The following CCNT2 variants were observed in gnomAD, a reference collection of about 807,000 sequenced individuals.
The protein encoded by CCNT2 is cyclin T2, also known as cyclin-T2.
Under a neutral mutation model 70.0 loss-of-function variants are expected in CCNT2, and 18 were observed. The ratio of observed to expected loss-of-function variants is 0.26; its 90% CI spans 0.18 to 0.38. The LOEUF (loss-of-function observed/expected upper bound fraction) is 0.38, where lower values mean the gene tolerates loss of function less well. Among genes scored for constraint, CCNT2 ranks in the 10% least tolerant of loss-of-function variants. The pLI, the probability that CCNT2 is intolerant of heterozygous loss-of-function variation, is 1.00. For synonymous variants in CCNT2, 334 were observed against 313.3 expected (o/e 1.07, Z -0.70); for missense variants, 734 against 890.2 (o/e 0.82, Z 2.23).
At chr2:134,919,035 G>C (rs756066337) in intron 1 of CCNT2, 23 bp downstream of exon 1, 1 of 1,576,356 alleles carries the variant, frequency 6.3e-7, no homozygotes, top group East Asian at 2.3e-5. Flanking sequence ...GTTCGCCGCC[G>C]CTCACGCCCT....
intron 5 of CCNT2, 69 bp downstream of exon 5, chr2:134,942,743 T>A: frequency 6.9e-7 from 1 of 1,448,878 alleles, no homozygotes; most frequent in Non-Finnish European, 9.3e-7. Context: ...ATTTGGGTGC[T>A]ATTTTGTTTT....
At chr2:134,951,477 C>T (rs116744789) in intron 7 of CCNT2, among the ~76,000 whole-genome samples, 154 of 152,062 alleles carry the variant, frequency 1.0e-3, no homozygotes, top group African/African-American at 3.6e-3. Context: ...TAGAAATTTA[C>T]AATGAAGATA....
At chr2:134,924,360 A>C (rs1680125130) in intron 2 of CCNT2, among the ~76,000 whole-genome samples, 1 of 152,210 alleles carries the variant, frequency 6.6e-6, no homozygotes, top group Admixed American at 6.5e-5. Context: ...ATCACCAACC[A>C]AGTCAAGAAA....
intron 2 of CCNT2, among the ~76,000 whole-genome samples, chr2:134,928,765 G>T (rs1273234679): frequency 6.6e-6 from 1 of 152,088 alleles, no homozygotes; most frequent in African/African-American, 2.4e-5. Context: ...TTCTTCTGTG[G>T]CCAAAAATCG....
At chr2:134,925,859 CTTTTT>C (rs3041372) in intron 2 of CCNT2, among the ~76,000 whole-genome samples, 20 of 85,274 alleles carry the variant, frequency 2.3e-4, no homozygotes, top group African/African-American at 6.6e-4. Flanking sequence ...GGATAGCTGC[CTTTTT>C]TTTTTTTTTT....
At chr2:134,924,861 C>G (rs1368682418) in intron 2 of CCNT2, among the ~76,000 whole-genome samples, 1 of 152,192 alleles carries the variant, frequency 6.6e-6, no homozygotes, top group East Asian at 1.9e-4. Context: ...TGAAGTCTCT[C>G]AGTATGCATG....
chr2:134,944,446 A>C, intron 5 of CCNT2: 1 of 966,410 alleles, frequency 1.0e-6, no homozygotes, highest in South Asian at 4.8e-5. Flanking sequence ...TCAACTTTAA[A>C]TTCTTTATCA....
rs1681813917 is a variant in CCNT2 at position 134,944,612 on chromosome 2, G to T, written c.494-1489G>T. The T allele has an allele frequency of 7.1e-6, 7 of 979,614 alleles. No homozygotes were observed. In the South Asian group the frequency reaches 2.8e-4, roughly 40 times the overall value. 60.7% of individuals were successfully genotyped at this position (979,614 alleles called of 1,614,324 possible). On this transcript the variant is annotated intron_variant, in intron 5 of 8. Transcript: ENST00000264157. ...AACAAATATTTAGACCAGATTATTTGTTGTTGTTAATGTTAAAATGTGACT... is the reference window on the plus strand; with the variant it reads ...AACAAATATTTAGACCAGATTATTTTTTGTTGTTAATGTTAAAATGTGACT...
chr2:134,924,013 A>G (rs905542320), intron 2 of CCNT2, among the ~76,000 whole-genome samples: 29 of 152,242 alleles, frequency 1.9e-4, no homozygotes, highest in African/African-American at 7.0e-4. Context: ...TCAACTATAC[A>G]TCAGTGTTAG....
chr2:134,953,872 G>T lies in CCNT2; in HGVS notation c.1417G>T (p.Ala473Ser), dbSNP rs758619807. ...QQHKQGQSQA[A>S]SSSSVTSPIK... The stretch of plus-strand genomic sequence containing the variant: ...GCACAAACAAGGGCAGTCACAGGCA[G>T]CCAGCAGCAGTTCTGTTACTTCTCC... The change falls in exon 9 of 9, where the codon GCC (alanine) becomes TCC (serine). Residue 473 changes from alanine (A) to serine (S), a missense_variant. Physicochemically the swap from Ala to Ser is moderately conservative, Grantham distance 99. Coordinates refer to ENST00000264157, the MANE Select transcript of CCNT2 (RefSeq NM_058241.3). 3.1e-6 allele frequency: 5 copies of T among 1,614,058 alleles called. No homozygotes were observed. The highest frequency in any genetic ancestry group is 4.2e-6 in the Non-Finnish European group (5 of 1,180,024).
intron 5 of CCNT2, chr2:134,945,304 T>C: frequency 2.0e-6 from 2 of 985,322 alleles, no homozygotes; most frequent in South Asian, 4.7e-5. Context: ...GAAAGATATG[T>C]CAGTGCTTGT....
intron 2 of CCNT2, among the ~76,000 whole-genome samples, chr2:134,933,769 C>G (rs1179677356): frequency 2.0e-5 from 3 of 152,080 alleles, no homozygotes; most frequent in African/African-American, 7.2e-5. Context: ...TTAACATGCA[C>G]AATTTTAAAA....
At chr2:134,931,911 G>A (rs1170113775) in intron 2 of CCNT2, among the ~76,000 whole-genome samples, 7 of 152,032 alleles carry the variant, frequency 4.6e-5, no homozygotes, top group Non-Finnish European at 8.8e-5. Flanking sequence ...TAGGCTGTTA[G>A]GAGCTGTGTC....
At chr2:134,939,535 G>A (rs1681412566) in intron 4 of CCNT2, among the ~76,000 whole-genome samples, 4 of 151,804 alleles carry the variant, frequency 2.6e-5, no homozygotes, top group Admixed American at 6.6e-5. Flanking sequence ...GTGCCATCTC[G>A]GCTCACTGCA....
intron 2 of CCNT2, among the ~76,000 whole-genome samples, chr2:134,927,137 G>T (rs562636009): frequency 2.6e-4 from 39 of 152,226 alleles, no homozygotes; most frequent in Non-Finnish European, 4.1e-4. Flanking sequence ...TGATATTTTT[G>T]ATTGATTTTC....
At chr2:134,928,180 T>G (rs1186526882) in intron 2 of CCNT2, among the ~76,000 whole-genome samples, 1 of 151,836 alleles carries the variant, frequency 6.6e-6, no homozygotes, top group Non-Finnish European at 1.5e-5. Context: ...GAGGCTAGTC[T>G]CGAACTCCTG....
rs531865188 is a variant in CCNT2 at position 134,929,808 on chromosome 2, G to A, written c.241-7033G>A. ...TGGGATTACAGGCATGCACCACCAT[G>A]CCTGGCTAATTTTTGTATTTTTAGT... On this transcript the variant is annotated intron_variant, in intron 2 of 8. Coordinates refer to ENST00000264157, the MANE Select transcript of CCNT2 (RefSeq NM_058241.3). 8.6e-5 allele frequency among the ~76,000 whole-genome samples: 13 copies of A among 151,496 alleles called. No individual in the cohort carries two copies. The East Asian group carries it at 2.6e-3, about 30-fold the overall frequency.
Position 134,958,997 on chromosome 2 carries a change from C to T in CCNT2, c.*4349C>T, listed in dbSNP as rs766638383. The T allele has an allele frequency of 3.3e-5, 5 of 152,010 alleles. No homozygotes were observed. Among genetic ancestry groups the T allele is most frequent in the East Asian group, 3.9e-4 (2 of 5,172 alleles). 9.4% of individuals were successfully genotyped at this position (152,010 alleles called of 1,614,324 possible). ...GTCTACTTTATTTTCAAGTTTGGGG[C>T]GGAAACTCAAAATCCCGAGCATTGC... On this transcript the variant is annotated 3_prime_UTR_variant, in exon 9 of 9. Transcript: ENST00000264157.
At position 134,956,440 on chromosome 2, in the gene CCNT2, A is replaced by C. The variant is rs1682929257; in HGVS notation, c.*1792A>C. On this transcript the variant is annotated 3_prime_UTR_variant, in exon 9 of 9. Transcript: ENST00000264157. ...TAACTTCAGTAATCTTTGTCATTAT[A>C]TGTAACTTTGTTGCTCTGTATGGCA... 1 of 152,432 alleles carries C rather than the reference A, an allele frequency of 6.6e-6. No homozygotes were observed. The highest frequency in any genetic ancestry group is 1.5e-5 in the Non-Finnish European group (1 of 68,002). The allele number at this position is 152,432 out of a possible 1,614,324, so 9.4% of individuals were successfully genotyped here.
Sources: gnomAD v4.1 joint callset for allele counts (sites outside exome capture counted in the v4.1 genomes callset) on GRCh38, gnomAD v4.1.1 for gene constraint, MANE v1.5 for transcripts, NCBI Gene and HGNC (gene_info 2026-07-23, HGNC 2026-07-21) for gene names.